PMPCB: variants seen among roughly 807,000 people sequenced by gnomAD.
PMPCB encodes the protein mitochondrial-processing peptidase subunit beta.
Under a neutral mutation model 61.5 loss-of-function variants are expected in PMPCB, and 46 were observed. The observed-to-expected ratio is 0.75, with a 90% CI of 0.59 to 0.96. The LOEUF is 0.96. PMPCB is among the 40% of genes least tolerant of loss of function. The pLI, the probability that PMPCB is intolerant of heterozygous loss-of-function variation, is 0.00. For synonymous variants in PMPCB, 191 were observed against 201.6 expected (o/e 0.95, Z 0.44); for missense variants, 590 against 602.4 (o/e 0.98, Z 0.22).
chr7:103,307,183 A>G (rs1817613817), intron 6 of PMPCB, among the ~76,000 whole-genome samples: 1 of 152,224 alleles, frequency 6.6e-6, no homozygotes, highest in Admixed American at 6.5e-5. Context: ...GTGAGCCACC[A>G]TGCCCAGCTC....
At chr7:103,335,085 C>T in the PMPCB span, among the ~76,000 whole-genome samples, 1 of 152,138 alleles carries the variant, frequency 6.6e-6, no homozygotes, top group African/African-American at 2.4e-5. Context: ...CCACCTGCCC[C>T]AGCCTCCCAA....
At chr7:103,300,355 A>G in intron 4 of PMPCB, 48 bp downstream of exon 4, 1 of 1,458,372 alleles carries the variant, frequency 6.9e-7, no homozygotes, top group South Asian at 1.3e-5. Context: ...CATGAGAATC[A>G]GGAATTATTT....
At chr7:103,300,140 G>A in intron 3 of PMPCB, 38 bp from the exon 4 acceptor site, 1 of 1,579,140 alleles carries the variant, frequency 6.3e-7, no homozygotes, top group Non-Finnish European at 8.7e-7. Context: ...AAGTATAAAG[G>A]GAGTTTGCAT....
rs1404202202 is a variant in PMPCB, at chr7:103,313,896, AT to A, written c.*1628del. 3 of 985,320 alleles carry A rather than the reference AT, an allele frequency of 3.0e-6. No individual in the cohort carries two copies. The highest frequency in any genetic ancestry group is 3.6e-6 in the Non-Finnish European group (3 of 829,940). The allele number at this position is 985,320 out of a possible 1,614,324, so 61.0% of individuals were successfully genotyped here. A position where few individuals can be genotyped will look rare whatever the true frequency, so the allele number is the denominator to read the frequency against. On this transcript the variant is annotated 3_prime_UTR_variant, in exon 13 of 13. Transcript: ENST00000249269. Reference sequence around the variant, plus strand: ...TTAATGGACTTCTGGCAATTTAGTTATTTCAGACTATGCAGTGACAACACAG... The same window carrying A: ...TTAATGGACTTCTGGCAATTTAGTTATTCAGACTATGCAGTGACAACACAG...
chr7:103,303,641 G>GA (rs1395900306), intron 4 of PMPCB, among the ~76,000 whole-genome samples: 1 of 151,952 alleles, frequency 6.6e-6, no homozygotes, highest in Non-Finnish European at 1.5e-5. Context: ...TTTCCCCAAG[G>GA]AAAAAATCTT....
intron 4 of PMPCB, among the ~76,000 whole-genome samples, chr7:103,301,622 G>C (rs1817453772): frequency 6.6e-6 from 1 of 152,104 alleles, no homozygotes; most frequent in Admixed American, 6.6e-5. Context: ...TGGAAAAACA[G>C]GGGCTTTCCC....
chr7:103,320,561 C>A (rs1279372978), intron 12 of PMPCB, among the ~76,000 whole-genome samples: 1 of 150,982 alleles, frequency 6.6e-6, no homozygotes, highest in African/African-American at 2.4e-5. Flanking sequence ...GAGATCGAGA[C>A]CATCCTGGCT....
chr7:103,323,775 T>C (rs1818552852), intron 12 of PMPCB: 2 of 835,174 alleles, frequency 2.4e-6, no homozygotes, highest in Middle Eastern at 2.5e-4. Flanking sequence ...CCTTCTAGTA[T>C]TGAACTAAGG....
At position 103,313,245 on chromosome 7, in the gene PMPCB, A is replaced by AT; in HGVS notation, c.*975dup. 1 of 1,408,878 alleles carries AT rather than the reference A, an allele frequency of 7.1e-7. No homozygotes were observed. The highest frequency in any genetic ancestry group is 1.7e-5 in the South Asian group (1 of 60,352). The allele number at this position is 1,408,878 out of a possible 1,614,324, so 87.3% of individuals were successfully genotyped here. On this transcript the variant is annotated 3_prime_UTR_variant, in exon 13 of 13. Transcript: ENST00000249269. ...AAACTTGTAGAGATGAGAGATACAT[A>AT]TAGCCCTCTGAGTGTTAATAAGAGA...
At chr7:103,318,996 G>T (rs944960013), downstream of PMPCB, among the ~76,000 whole-genome samples, 1 of 152,116 alleles carries the variant, frequency 6.6e-6, no homozygotes, top group African/African-American at 2.4e-5. Flanking sequence ...CGGATCACTT[G>T]AGGTAAGGAG....
chr7:103,313,082 G>A lies in PMPCB; in HGVS notation c.*811G>A, dbSNP rs1817846647. On this transcript the variant is annotated 3_prime_UTR_variant, in exon 13 of 13. Coordinates refer to ENST00000249269, the MANE Select transcript of PMPCB (RefSeq NM_004279.3). ...GCTTCTGTTCTTCTGTTGTCCAAGGGGTGAAGTCTGTATATGGACCTGATT... is the reference window on the plus strand; with the variant it reads ...GCTTCTGTTCTTCTGTTGTCCAAGGAGTGAAGTCTGTATATGGACCTGATT... 1.2e-6 allele frequency: 2 copies of A among 1,612,944 alleles called. No homozygotes were observed. The highest frequency in any genetic ancestry group is 1.3e-5 in the African/African-American group (1 of 74,758).
chr7:103,305,156 T>G (rs1264966477), intron 6 of PMPCB, among the ~76,000 whole-genome samples: 1 of 152,238 alleles, frequency 6.6e-6, no homozygotes, highest in East Asian at 1.9e-4. Context: ...TGTTCAAGCA[T>G]GGAACGGGTA....
chr7:103,304,497 C>T lies in PMPCB; in HGVS notation c.736+7C>T. On this transcript the variant is annotated splice_region_variant and intron_variant, in intron 6 of 12. Transcript: ENST00000249269. Reference sequence around the variant, plus strand: ...GTGCTTGCTGCTGCTGGAGGTTAGTCAATTTAAATTTCTACAAATGTTTTA... The same window carrying T: ...GTGCTTGCTGCTGCTGGAGGTTAGTTAATTTAAATTTCTACAAATGTTTTA... The T allele has an allele frequency of 6.3e-7, 1 of 1,579,390 alleles. No homozygotes were observed. The highest frequency in any genetic ancestry group is 8.7e-7 in the Non-Finnish European group (1 of 1,148,478).
rs1322517709 is a variant in PMPCB, at chr7:103,313,419, TACTGTTGG to T, written c.*1152_*1159del. The T allele has an allele frequency of 1.0e-6, 1 of 982,862 alleles. No homozygotes were observed. The highest frequency in any genetic ancestry group is 1.2e-6 in the Non-Finnish European group (1 of 827,692). The allele number at this position is 982,862 out of a possible 1,614,324, so 60.9% of individuals were successfully genotyped here. ...TAAAAAGCCATATTTAAATTTATAGTACTGTTGGACTCTTGGACTCAAAAACACAACCA... is the reference window on the plus strand; with the variant it reads ...TAAAAAGCCATATTTAAATTTATAGTACTCTTGGACTCAAAAACACAACCA... On this transcript the variant is annotated 3_prime_UTR_variant, in exon 13 of 13. Transcript: ENST00000249269.
the PMPCB span, among the ~76,000 whole-genome samples, chr7:103,346,477 G>A: frequency 6.6e-6 from 1 of 152,148 alleles, no homozygotes; most frequent in East Asian, 1.9e-4. Context: ...CACATAACAT[G>A]AAATTTACGA....
At chr7:103,319,146 AAAC>A (rs1293340396), downstream of PMPCB, among the ~76,000 whole-genome samples, 1 of 152,082 alleles carries the variant, frequency 6.6e-6, no homozygotes, top group Non-Finnish European at 1.5e-5. Context: ...TCAAAAACAA[AAAC>A]AAAAACAGGC....
intron 12 of PMPCB, among the ~76,000 whole-genome samples, chr7:103,325,059 T>C (rs1818628643): frequency 6.6e-6 from 1 of 152,208 alleles, no homozygotes; most frequent in African/African-American, 2.4e-5. Context: ...GTGAAAAGGA[T>C]CCTGAAGCAG....
chr7:103,324,340 A>T lies in PMPCB; in HGVS notation c.*1432-4591A>T, dbSNP rs931159790. ...AATAGAAAATCTTAAAAGTGTAAAT[A>T]TCACATAGGTAACAGAGTGCTTTTG... On this transcript the variant is annotated intron_variant and NMD_transcript_variant, in intron 12 of 12. Transcript: ENST00000444457. 15 of 600,648 alleles carry T rather than the reference A, an allele frequency of 2.5e-5. 1 individual carries two copies. The highest frequency in any genetic ancestry group is 1.2e-4 in the East Asian group (3 of 24,058). The allele number at this position is 600,648 out of a possible 1,614,324, so 37.2% of individuals were successfully genotyped here. A position where few individuals can be genotyped will look rare whatever the true frequency, so the allele number is the denominator to read the frequency against.
rs1817795916 is a variant in PMPCB, at chr7:103,312,421, T to C, written c.*150T>C. The C allele has an allele frequency of 5.3e-6, 8 of 1,508,962 alleles. No homozygotes were observed. In the South Asian group the frequency reaches 9.2e-5, roughly 17 times the overall value. 93.5% of individuals were successfully genotyped at this position (1,508,962 alleles called of 1,614,324 possible). Reference sequence around the variant, plus strand: ...AAAAAGACTACCCCTCTGAAGGTTGTTTTGTATTAATGGTCAGTCTTTGTT... The same window carrying C: ...AAAAAGACTACCCCTCTGAAGGTTGCTTTGTATTAATGGTCAGTCTTTGTT... On this transcript the variant is annotated 3_prime_UTR_variant, in exon 13 of 13. Transcript: ENST00000249269.
Sources: allele counts gnomAD v4.1 joint callset (sites outside exome capture counted in the v4.1 genomes callset), GRCh38; gene constraint gnomAD v4.1.1; transcripts MANE v1.5; gene names NCBI Gene and HGNC (gene_info 2026-07-23, HGNC 2026-07-21).